FNDC3B: variants seen among roughly 807,000 people sequenced by gnomAD.
FNDC3B encodes fibronectin type III domain-containing protein 3B.
Under a neutral mutation model 151.5 loss-of-function variants are expected in FNDC3B, and 12 were observed. The observed-to-expected ratio is 0.08, with a 90% CI of 0.05 to 0.13. FNDC3B has a LOEUF of 0.13. Among genes scored for constraint, FNDC3B ranks in the 10% least tolerant of loss-of-function variants. The probability of loss-of-function intolerance (pLI) is 1.00; values close to 1 mark genes in which losing one functional copy is unlikely to be tolerated. For synonymous variants in FNDC3B, 528 were observed against 549.0 expected, an observed-to-expected ratio of 0.96 and a Z score of 0.54; for missense variants, 1,214 against 1,505.3, an observed-to-expected ratio of 0.81 and a Z score of 3.20.
chr3:172,265,403 T>A lies in FNDC3B; in HGVS notation c.790+13862T>A, dbSNP rs79410352. ...CCACTGCTAGGATGTTTTTTGCAAA[T>A]AGATATTAAAAATGATATTTTCAGG... On this transcript the variant is annotated intron_variant, in intron 6 of 25. Transcript: ENST00000415807. 6.6e-4 allele frequency among the ~76,000 whole-genome samples: 100 copies of A among 152,200 alleles called. No individual in the cohort carries two copies. In the East Asian group the frequency reaches 0.019, roughly 29 times the overall value.
At chr3:172,075,205 T>C (rs1717949326) in intron 1 of FNDC3B, among the ~76,000 whole-genome samples, 1 of 152,176 alleles carries the variant, frequency 6.6e-6, no homozygotes, top group Admixed American at 6.5e-5. Flanking sequence ...ATACTTGTAG[T>C]TTTATATCAA....
chr3:172,073,817 T>A (rs1026098117), intron 1 of FNDC3B, among the ~76,000 whole-genome samples: 36 of 152,162 alleles, frequency 2.4e-4, no homozygotes, highest in Non-Finnish European at 4.4e-5. Flanking sequence ...GGTGCATGAT[T>A]TTGTAGCGTA....
At chr3:172,138,037 C>T (rs1721457967) in intron 3 of FNDC3B, among the ~76,000 whole-genome samples, 1 of 152,230 alleles carries the variant, frequency 6.6e-6, no homozygotes, top group Non-Finnish European at 1.5e-5. Context: ...GCTGGCAATG[C>T]AGCCTTCCTT....
intron 1 of FNDC3B, among the ~76,000 whole-genome samples, chr3:172,091,873 G>GGCGTGT (rs1553760105): frequency 8.0e-6 from 1 of 124,756 alleles, no homozygotes; most frequent in African/African-American, 3.2e-5. Context: ...ACTTTACTGG[G>GGCGTGT]GTGTGTGTGT....
chr3:172,051,560 T>C (rs1265487757), intron 1 of FNDC3B, among the ~76,000 whole-genome samples: 1 of 151,968 alleles, frequency 6.6e-6, no homozygotes, highest in Non-Finnish European at 1.5e-5. Context: ...AGGGGAAAGG[T>C]TGGGAAGAGG....
chr3:172,203,104 G>T (rs1456029541), intron 3 of FNDC3B, among the ~76,000 whole-genome samples: 3 of 152,034 alleles, frequency 2.0e-5, no homozygotes, highest in African/African-American at 4.8e-5. Flanking sequence ...CATTATTTTC[G>T]ATATATATAG....
intron 3 of FNDC3B, among the ~76,000 whole-genome samples, chr3:172,199,950 G>A (rs1461518293): frequency 1.3e-5 from 2 of 152,158 alleles, no homozygotes; most frequent in Non-Finnish European, 2.9e-5. Flanking sequence ...TGTGTTTCGT[G>A]CATTTGTATG....
chr3:172,263,630 G>A (rs887289316), intron 6 of FNDC3B, among the ~76,000 whole-genome samples: 4 of 118,278 alleles, frequency 3.4e-5, no homozygotes, highest in Admixed American at 1.1e-4. Flanking sequence ...GACAGCATTC[G>A]TATTATTTAC....
At chr3:172,267,238 C>T (rs766485900) in intron 6 of FNDC3B, among the ~76,000 whole-genome samples, 7 of 151,960 alleles carry the variant, frequency 4.6e-5, no homozygotes. Flanking sequence ...TCACTGCAGC[C>T]TCGACCTCCC....
chr3:172,286,024 A>G (rs1729990854), intron 7 of FNDC3B, 40 bp downstream of exon 7: 3 of 1,493,534 alleles, frequency 2.0e-6, no homozygotes, highest in African/African-American at 2.9e-5. Flanking sequence ...GACACTTTTT[A>G]AAGTATTTCA....
At chr3:172,096,096 A>G (rs2108516809) in intron 1 of FNDC3B, among the ~76,000 whole-genome samples, 1 of 152,342 alleles carries the variant, frequency 6.6e-6, no homozygotes, top group East Asian at 1.9e-4. Context: ...ACTGGTAACA[A>G]TACAACCTAG....
At chr3:172,100,533 T>A (rs1467594207) in intron 1 of FNDC3B, among the ~76,000 whole-genome samples, 2 of 152,252 alleles carry the variant, frequency 1.3e-5, no homozygotes, top group Non-Finnish European at 2.9e-5. Context: ...TTATCTGAAT[T>A]AGTAATATGA....
chr3:172,203,136 A>G (rs911555931), intron 3 of FNDC3B, among the ~76,000 whole-genome samples: 3 of 152,206 alleles, frequency 2.0e-5, no homozygotes, highest in Non-Finnish European at 4.4e-5. Flanking sequence ...AATACTTAGC[A>G]ATAAAAATAT....
intron 1 of FNDC3B, among the ~76,000 whole-genome samples, chr3:172,076,102 T>G (rs1717995303): frequency 6.6e-6 from 1 of 152,200 alleles, no homozygotes; most frequent in Non-Finnish European, 1.5e-5. Context: ...ACCATACTGG[T>G]CGGTTGTTCC....
rs374723332 is a variant in FNDC3B, at chr3:172,078,011, TC to T, written c.-28-34438del. On this transcript the variant is annotated intron_variant, in intron 1 of 25. Coordinates refer to ENST00000415807, the MANE Select transcript of FNDC3B (RefSeq NM_022763.4). ...TATTATTATTTTTTGAGATGGAGTC[TC>T]CCTCTGTCATCCAGGCTAGAGTGTA... Among the ~76,000 whole-genome samples, 55 of 152,320 alleles carry T rather than the reference TC, an allele frequency of 3.6e-4. No homozygotes were observed. The East Asian group carries it at 8.7e-3, about 24-fold the overall frequency.
chr3:172,377,685 T>C (rs1026825610), intron 23 of FNDC3B, among the ~76,000 whole-genome samples: 22 of 152,204 alleles, frequency 1.4e-4, no homozygotes, highest in African/African-American at 5.3e-4. Context: ...TGATGGATGA[T>C]TCTGAACACA....
chr3:172,091,531 T>C (rs1007710618), intron 1 of FNDC3B, among the ~76,000 whole-genome samples: 1 of 152,202 alleles, frequency 6.6e-6, no homozygotes, highest in Non-Finnish European at 1.5e-5. Context: ...TCAAGCACTT[T>C]GTAGTTTCCT....
At chr3:172,299,180 C>G (rs913284024) in intron 9 of FNDC3B, among the ~76,000 whole-genome samples, 1 of 152,194 alleles carries the variant, frequency 6.6e-6, no homozygotes, top group African/African-American at 2.4e-5. Context: ...GAAGCCCTTT[C>G]CATGTTGCAA....
intron 1 of FNDC3B, among the ~76,000 whole-genome samples, chr3:172,066,683 C>T (rs575936946): frequency 6.6e-6 from 1 of 152,286 alleles, no homozygotes. Context: ...TACTGAGTAA[C>T]TTGGGAGTTA....
Sources: allele counts gnomAD v4.1 joint callset (sites outside exome capture counted in the v4.1 genomes callset), GRCh38; gene constraint gnomAD v4.1.1; transcripts MANE v1.5; gene names NCBI Gene and HGNC (gene_info 2026-07-23, HGNC 2026-07-21).